Variants in CSMD1 observed in about 807,000 individuals in gnomAD.
CSMD1 encodes CUB and sushi domain-containing protein 1.
Under a neutral mutation model 417.5 loss-of-function variants are expected in CSMD1, and 213 were observed. The observed-to-expected ratio is 0.51, with a 90% confidence interval of 0.46 to 0.57. CSMD1 has a LOEUF of 0.57. Among genes scored for constraint, CSMD1 ranks in the 20% least tolerant of loss-of-function variants. The probability of loss-of-function intolerance (pLI) is 0.00; values close to 1 mark genes in which losing one functional copy is unlikely to be tolerated. For missense variants in CSMD1, 6,923 were observed against 4,529.7 expected (o/e 1.53, Z -15.17); for synonymous variants, 2,862 against 1,736.8 (o/e 1.65, Z -16.11).
intron 6 of CSMD1, among the ~76,000 whole-genome samples, chr8:3,745,803 G>C (rs185843789): frequency 1.3e-5 from 2 of 152,290 alleles, no homozygotes; most frequent in East Asian, 1.9e-4. Context: ...AATGTAACCT[G>C]TGCCTTTGAA....
At chr8:3,821,953 G>C (rs150980933) in intron 5 of CSMD1, among the ~76,000 whole-genome samples, 1 of 152,150 alleles carries the variant, frequency 6.6e-6, no homozygotes, top group Non-Finnish European at 1.5e-5. Context: ...TACATTTCCA[G>C]GCCCTTCTCT....
Position 4,116,452 on chromosome 8 carries a change from C to A in CSMD1, c.416-84353G>T, listed in dbSNP as rs933634458. Among the ~76,000 whole-genome samples the A allele has an allele frequency of 6.1e-5, 8 of 131,604 alleles. 1 individual carries two copies. The highest frequency in any genetic ancestry group is 2.5e-4 in the African/African-American group (8 of 32,184). The allele number at this position is 131,604 out of a possible 152,430, so 86.3% of individuals were successfully genotyped here. A position where few individuals can be genotyped will look rare whatever the true frequency, so the allele number is the denominator to read the frequency against. ...AGATGGCGACGTATGAGTGCAGGTG[C>A]CTGAATGGAACAAACGCGCCATGAA... On this transcript the variant is annotated intron_variant, in intron 3 of 69. Transcript: ENST00000635120.
intron 40 of CSMD1, among the ~76,000 whole-genome samples, chr8:3,144,657 C>G (rs971956350): frequency 2.0e-5 from 3 of 151,704 alleles, no homozygotes; most frequent in Admixed American, 2.0e-4. Flanking sequence ...TGCAAATATT[C>G]AAAAATGTCA....
At chr8:4,085,385 G>A (rs997923189) in intron 3 of CSMD1, among the ~76,000 whole-genome samples, 2 of 152,178 alleles carry the variant, frequency 1.3e-5, no homozygotes, top group African/African-American at 4.8e-5. Flanking sequence ...CTATATTGGA[G>A]AAGCTCCAAA....
At chr8:4,733,547 T>C (rs1310772311) in intron 1 of CSMD1, among the ~76,000 whole-genome samples, 6 of 152,216 alleles carry the variant, frequency 3.9e-5, no homozygotes, top group Non-Finnish European at 8.8e-5. Context: ...GCATTGCCCA[T>C]TTAAACTGAC....
At chr8:3,744,823 T>A (rs1796988132) in intron 6 of CSMD1, among the ~76,000 whole-genome samples, 1 of 152,220 alleles carries the variant, frequency 6.6e-6, no homozygotes, top group Non-Finnish European at 1.5e-5. Context: ...GTTTCATATA[T>A]CTATGGAACT....
intron 1 of CSMD1, among the ~76,000 whole-genome samples, chr8:4,749,825 G>A (rs35013512): frequency 0.089 from 13,492 of 151,960 alleles, 650 homozygotes; most frequent in Non-Finnish European, 0.11. Flanking sequence ...AAGATGTTTT[G>A]CTGGTAATTT....
At chr8:4,607,182 A>T (rs538041573) in intron 2 of CSMD1, among the ~76,000 whole-genome samples, 6 of 152,300 alleles carry the variant, frequency 3.9e-5, no homozygotes, top group Admixed American at 2.6e-4. Flanking sequence ...CAAGGAACTA[A>T]TTGATAGTGT....
intron 5 of CSMD1, among the ~76,000 whole-genome samples, chr8:3,792,195 G>C (rs1229568753): frequency 6.6e-6 from 1 of 152,004 alleles, no homozygotes; most frequent in Non-Finnish European, 1.5e-5. Flanking sequence ...AGGGGAGGCT[G>C]AGATGGGAGA....
intron 3 of CSMD1, among the ~76,000 whole-genome samples, chr8:4,138,639 T>C (rs1026759236): frequency 4.0e-4 from 61 of 151,266 alleles, no homozygotes; most frequent in African/African-American, 1.4e-3. Flanking sequence ...AAAACATCTC[T>C]TAAGGTTGAC....
intron 3 of CSMD1, among the ~76,000 whole-genome samples, chr8:4,066,567 G>A (rs1012146676): frequency 6.6e-6 from 1 of 152,154 alleles, no homozygotes; most frequent in African/African-American, 2.4e-5. Context: ...CTTGTTACAT[G>A]ATGTGGTAAT....
chr8:3,498,154 G>C lies in CSMD1; in HGVS notation c.1345-4428C>G, dbSNP rs936400308. Among the ~76,000 whole-genome samples, 59 of 152,206 alleles carry C rather than the reference G, an allele frequency of 3.9e-4. 1 individual carries two copies. The highest frequency in any genetic ancestry group is 1.4e-3 in the African/African-American group (57 of 41,532). On this transcript the variant is annotated intron_variant, in intron 10 of 69. Transcript: ENST00000635120. ...TTCTCCCCTAGCCTGTAACGGTTCT[G>C]CTGAGAAATCTAATGTTAGTCTGGG... is the stretch of plus-strand genomic sequence containing the variant.
chr8:3,543,157 A>T (rs1039260067), intron 10 of CSMD1, among the ~76,000 whole-genome samples: 1 of 152,174 alleles, frequency 6.6e-6, no homozygotes, highest in Non-Finnish European at 1.5e-5. Context: ...GACAAAAGTC[A>T]ATACCCTGAG....
chr8:3,934,583 G>C (rs1049646197), intron 5 of CSMD1, among the ~76,000 whole-genome samples: 8 of 152,096 alleles, frequency 5.3e-5, no homozygotes, highest in African/African-American at 1.9e-4. Flanking sequence ...GGCCAGGCGC[G>C]GTGGCTGATG....
intron 3 of CSMD1, among the ~76,000 whole-genome samples, chr8:4,378,567 G>C (rs1281456142): frequency 6.6e-6 from 1 of 152,076 alleles, no homozygotes; most frequent in Admixed American, 6.5e-5. Context: ...GCTTTGCACT[G>C]GTCTTCAATA....
At chr8:3,754,894 A>G (rs939885396) in intron 5 of CSMD1, among the ~76,000 whole-genome samples, 3 of 152,212 alleles carry the variant, frequency 2.0e-5, no homozygotes, top group Non-Finnish European at 4.4e-5. Flanking sequence ...GAAGAGGACC[A>G]TTTATGAGAT....
chr8:3,478,903 G>C (rs1817579437), intron 11 of CSMD1, among the ~76,000 whole-genome samples: 1 of 152,258 alleles, frequency 6.6e-6, no homozygotes, highest in East Asian at 1.9e-4. Flanking sequence ...GTGAGACTGA[G>C]TCTCTTCCCC....
At chr8:3,713,039 A>T (rs77334240) in intron 6 of CSMD1, among the ~76,000 whole-genome samples, 2 of 152,168 alleles carry the variant, frequency 1.3e-5, no homozygotes, top group Non-Finnish European at 2.9e-5. Flanking sequence ...TAAAAAAAAA[A>T]TTCCCCAAAA....
chr8:4,187,402 T>G (rs1050231932), intron 3 of CSMD1, among the ~76,000 whole-genome samples: 3 of 152,048 alleles, frequency 2.0e-5, no homozygotes, highest in Admixed American at 2.0e-4. Context: ...ATCCCAGCAC[T>G]TTGGGAGGCC....
Sources: gnomAD v4.1 joint callset for allele counts (sites outside exome capture counted in the v4.1 genomes callset) on GRCh38, gnomAD v4.1.1 for gene constraint, MANE v1.5 for transcripts, NCBI Gene and HGNC (gene_info 2026-07-23, HGNC 2026-07-21) for gene names.